The following ERAP2 variants were observed in gnomAD, a reference collection of about 807,000 sequenced individuals.
ERAP2 encodes the protein leukocyte-derived arginine aminopeptidase.
Under a neutral mutation model 111.1 loss-of-function variants are expected in ERAP2, and 118 were observed. The ratio of observed to expected loss-of-function variants is 1.06; its 90% confidence interval spans 0.92 to 1.24. The LOEUF (loss-of-function observed/expected upper bound fraction) is 1.24, where lower values mean the gene tolerates loss of function less well. Among genes scored for constraint, ERAP2 ranks in the 50% most tolerant of loss-of-function variants. ERAP2 has a pLI of 0.00. For synonymous variants in ERAP2, 410 were observed against 401.2 expected (o/e 1.02, Z -0.26); for missense variants, 1,131 against 1,125.8 (o/e 1.00, Z -0.07).
intron 2 of ERAP2, chr5:96,881,080 G>A (rs2549780): frequency 0.47 from 103,160 of 220,894 alleles, 24,855 homozygotes; most frequent in South Asian, 0.59. Context: ...TGTAAGCTGA[G>A]GAGAGCGAAC....
intron 6 of ERAP2, among the ~76,000 whole-genome samples, chr5:96,893,093 A>G (rs1359389715): frequency 1.3e-5 from 2 of 152,194 alleles, no homozygotes; most frequent in African/African-American, 4.8e-5. Flanking sequence ...GGCCACTACA[A>G]CTACAAGAAA....
rs1255130220 is a variant in ERAP2, at chr5:96,918,192, A to T, written c.*587A>T. 6.6e-6 allele frequency: 1 copy of T among 152,376 alleles called. No homozygotes were observed. The highest frequency in any genetic ancestry group is 1.9e-4 in the East Asian group (1 of 5,328). The allele number at this position is 152,376 out of a possible 1,614,324, so 9.4% of individuals were successfully genotyped here. A position where few individuals can be genotyped will look rare whatever the true frequency, so the allele number is the denominator to read the frequency against. The stretch of plus-strand genomic sequence containing the variant: ...CTTCCTGAATAATGGATATATGTGG[A>T]GATACAGACATAGATATATAGATAC... On this transcript the variant is annotated 3_prime_UTR_variant, in exon 19 of 19. Coordinates refer to ENST00000437043, the MANE Select transcript of ERAP2 (RefSeq NM_022350.5).
At chr5:96,911,885 A>AAAAAAAAAAT in intron 15 of ERAP2, among the ~76,000 whole-genome samples, 1 of 146,268 alleles carries the variant, frequency 6.8e-6, no homozygotes, top group African/African-American at 2.5e-5. Context: ...AAAAAAAGAA[A>AAAAAAAAAAT]GAAAGAAAGA....
At chr5:96,887,073 GTATATA>G (rs35218383) in intron 4 of ERAP2, among the ~76,000 whole-genome samples, 198 of 87,182 alleles carry the variant, frequency 2.3e-3, no homozygotes, top group Non-Finnish European at 3.5e-3. Flanking sequence ...AATTTTCAAA[GTATATA>G]TATATATATA....
At chr5:96,891,547 CACACACACACACACACATATATGGT>C (rs1386229109) in intron 5 of ERAP2, among the ~76,000 whole-genome samples, 1 of 138,500 alleles carries the variant, frequency 7.2e-6, no homozygotes, top group Non-Finnish European at 1.5e-5. Context: ...CACACACACA[CACACACACACACACACATATATGGT>C]ACACACACAC....
chr5:96,888,517 C>A (rs1310244208), intron 4 of ERAP2, among the ~76,000 whole-genome samples: 1 of 152,192 alleles, frequency 6.6e-6, no homozygotes, highest in Non-Finnish European at 1.5e-5. Context: ...AGCACAGTGC[C>A]TGGTAAACTG....
chr5:96,878,167 T>C (rs905273772), intron 1 of ERAP2, among the ~76,000 whole-genome samples: 1 of 152,178 alleles, frequency 6.6e-6, no homozygotes, highest in African/African-American at 2.4e-5. Flanking sequence ...ACAAAGGTAG[T>C]AAATTCAGTT....
At chr5:96,882,880 G>T (rs1783297037) in intron 2 of ERAP2, among the ~76,000 whole-genome samples, 1 of 152,000 alleles carries the variant, frequency 6.6e-6, no homozygotes, top group African/African-American at 2.4e-5. Flanking sequence ...CCTCTTATTT[G>T]AGCTATTCTA....
At chr5:96,911,165 A>C (rs1786690576) in intron 15 of ERAP2, among the ~76,000 whole-genome samples, 1 of 152,200 alleles carries the variant, frequency 6.6e-6, no homozygotes, top group African/African-American at 2.4e-5. Flanking sequence ...AACTTTTCTG[A>C]GATTTATTTC....
intron 1 of ERAP2, among the ~76,000 whole-genome samples, chr5:96,878,450 AAT>A (rs1438398894): frequency 6.6e-6 from 1 of 152,102 alleles, no homozygotes; most frequent in Non-Finnish European, 1.5e-5. Flanking sequence ...ATATATATAG[AAT>A]ATTCTTTGTG....
intron 11 of ERAP2, 122 bp downstream of exon 11, chr5:96,901,803 C>A: frequency 1.1e-6 from 1 of 950,896 alleles, no homozygotes; most frequent in Non-Finnish European, 1.5e-6. Context: ...GAATCAAAGG[C>A]CTAAAGTAGA....
chr5:96,900,226 G>A (rs1294962626), intron 10 of ERAP2, 37 bp downstream of exon 10: 1 of 1,612,210 alleles, frequency 6.2e-7, no homozygotes, highest in Non-Finnish European at 8.5e-7. Context: ...GAAGAGATCT[G>A]TGGAATAGCC....
chr5:96,879,957 T>C lies in ERAP2; in HGVS notation c.272T>C (p.Phe91Ser). The C allele has an allele frequency of 6.2e-7, 1 of 1,614,192 alleles. No homozygotes were observed. The highest frequency in any genetic ancestry group is 8.5e-7 in the Non-Finnish European group (1 of 1,180,028). Reference protein sequence around the residue: ...FVHPNLTSLDFVASEKIEVLV... With the variant: ...FVHPNLTSLDSVASEKIEVLV... ...CACCCCAATCTCACCTCTCTGGACT[T>C]TGTTGCATCTGAGAAGATCGAAGTC... Residue 91 changes from phenylalanine to serine, a missense_variant, in exon 2 of 19, where the codon TTT (phenylalanine) becomes TCT (serine). This residue lies in a region of ERAP2 where 847 missense variants were observed against 856.5 expected (regional missense o/e 0.99). Transcript: ENST00000437043.
At position 96,912,588 on chromosome 5, in the gene ERAP2, G is replaced by C. The variant is rs182615886; in HGVS notation, c.2355-49G>C. 4 of 1,514,310 alleles carry C rather than the reference G, an allele frequency of 2.6e-6. No individual in the cohort carries two copies. In the East Asian group the frequency reaches 7.0e-5, roughly 27 times the overall value. The allele number at this position is 1,514,310 out of a possible 1,614,324, so 93.8% of individuals were successfully genotyped here. ...GACTTAAAATTGTCATAAGAAAAAAGTTTTTCTTTCATAAAACTTTTTCTT... is the reference window on the plus strand; with the variant it reads ...GACTTAAAATTGTCATAAGAAAAAACTTTTTCTTTCATAAAACTTTTTCTT... On this transcript the variant is annotated intron_variant, in intron 15 of 18. Coordinates refer to ENST00000437043, the MANE Select transcript of ERAP2 (RefSeq NM_022350.5).
At chr5:96,914,148 T>TCACACACACA (rs1554061288) in intron 17 of ERAP2, among the ~76,000 whole-genome samples, 53 of 148,080 alleles carry the variant, frequency 3.6e-4, no homozygotes, top group African/African-American at 1.3e-3. Context: ...TCTCTCTCTC[T>TCACACACACA]CACACACACA....
At chr5:96,902,488 T>C (rs1785584110) in intron 12 of ERAP2, 135 bp downstream of exon 12, 2 of 586,114 alleles carry the variant, frequency 3.4e-6, no homozygotes, top group African/African-American at 1.9e-5. Context: ...TTTATCCATA[T>C]GTTACTAAAA....
chr5:96,886,823 GAA>G (rs1561365043), intron 4 of ERAP2, 34 bp downstream of exon 4: 1 of 1,376,038 alleles, frequency 7.3e-7, no homozygotes, highest in Non-Finnish European at 9.5e-7. Flanking sequence ...ACGCAGTGCA[GAA>G]AAGTGTCCTG....
intron 9 of ERAP2, among the ~76,000 whole-genome samples, chr5:96,899,797 A>G (rs1785258096): frequency 6.6e-6 from 1 of 152,214 alleles, no homozygotes; most frequent in Non-Finnish European, 1.5e-5. Flanking sequence ...TGAAATAATA[A>G]AATAGGACCT....
chr5:96,915,420 A>G (rs1208433679), intron 17 of ERAP2, among the ~76,000 whole-genome samples: 1 of 152,200 alleles, frequency 6.6e-6, no homozygotes, highest in Non-Finnish European at 1.5e-5. Context: ...TTAAACAGAA[A>G]CATAAAATTA....
Sources: gnomAD v4.1 joint callset for allele counts (sites outside exome capture counted in the v4.1 genomes callset) on GRCh38, gnomAD v4.1.1 for gene constraint, gnomAD v4.1.1 regional missense constraint, MANE v1.5 for transcripts, NCBI Gene and HGNC (gene_info 2026-07-23, HGNC 2026-07-21) for gene names.